The following LRMDA variants were observed in gnomAD, a reference collection of about 807,000 sequenced individuals.
The protein encoded by LRMDA is leucine rich melanocyte differentiation associated.
A neutral mutation model predicts 29.8 loss-of-function variants in LRMDA; 18 were observed. The observed-to-expected ratio is 0.60, with a 90% CI of 0.42 to 0.90. The LOEUF (loss-of-function observed/expected upper bound fraction) is 0.90, where lower values mean the gene tolerates loss of function less well. Ranked by LOEUF, LRMDA falls within the 40% of genes least tolerant of loss-of-function variation. LRMDA has a pLI of 0.00. For synonymous variants in LRMDA, 125 were observed against 109.4 expected (o/e 1.14, Z -0.89); for missense variants, 273 against 273.9 (o/e 1.00, Z 0.02).
rs574100478 is a variant in LRMDA at position 76,239,225 on chromosome 10, T to C, written c.517-85176T>C. 3.9e-5 allele frequency among the ~76,000 whole-genome samples: 6 copies of C among 152,268 alleles called. No homozygotes were observed. The South Asian group carries it at 1.2e-3, about 32-fold the overall frequency. On this transcript the variant is annotated intron_variant, in intron 5 of 6. Coordinates refer to ENST00000611255, the MANE Select transcript of LRMDA (RefSeq NM_001305581.2). Reference sequence around the variant, plus strand: ...TGCTTGGGTCTCAGGGGAGAGGCCCTGATCTTTCTGGTCCTTCTCCCCCAA... The same window carrying C: ...TGCTTGGGTCTCAGGGGAGAGGCCCCGATCTTTCTGGTCCTTCTCCCCCAA...
chr10:75,650,838 C>T (rs771861319), intron 2 of LRMDA, among the ~76,000 whole-genome samples: 12 of 152,176 alleles, frequency 7.9e-5, no homozygotes, highest in African/African-American at 1.7e-4. Context: ...AGGTCAGCAC[C>T]GGGGTGAGGA....
Position 75,698,079 on chromosome 10 carries a change from T to C in LRMDA, c.131+259585T>C, listed in dbSNP as rs1481491008. Among the ~76,000 whole-genome samples, 4 of 152,148 alleles carry C rather than the reference T, an allele frequency of 2.6e-5. No individual in the cohort carries two copies. The South Asian group carries it at 6.2e-4, about 24-fold the overall frequency. ...GTTATGGAATATAATTTGTATAAAG[T>C]CACATAGCTGGGAAATGATGGAACC... On this transcript the variant is annotated intron_variant, in intron 2 of 6. Coordinates refer to ENST00000611255, the MANE Select transcript of LRMDA (RefSeq NM_001305581.2).
At chr10:75,771,148 C>G (rs1177765007) in intron 2 of LRMDA, among the ~76,000 whole-genome samples, 1 of 152,080 alleles carries the variant, frequency 6.6e-6, no homozygotes, top group Non-Finnish European at 1.5e-5. Context: ...CTGATTCAGT[C>G]TCAAATGATC....
intron 6 of LRMDA, among the ~76,000 whole-genome samples, chr10:76,476,297 TAGA>T (rs1330015300): frequency 4.6e-5 from 7 of 152,116 alleles, no homozygotes; most frequent in African/African-American, 7.2e-5. Context: ...CTAGAAAATC[TAGA>T]AGAACTGGAT....
At chr10:76,169,455 G>A (rs755749513) in intron 5 of LRMDA, among the ~76,000 whole-genome samples, 1 of 152,134 alleles carries the variant, frequency 6.6e-6, no homozygotes, top group Non-Finnish European at 1.5e-5. Context: ...AGGAGCAGAC[G>A]GGATGTTGGA....
intron 5 of LRMDA, among the ~76,000 whole-genome samples, chr10:76,115,754 G>T (rs922680311): frequency 2.0e-5 from 3 of 152,122 alleles, no homozygotes; most frequent in Admixed American, 1.3e-4. Context: ...GTCCCCAAGG[G>T]CTATCTTGGG....
At chr10:76,280,543 TTA>T (rs1840189825) in intron 5 of LRMDA, among the ~76,000 whole-genome samples, 1 of 152,200 alleles carries the variant, frequency 6.6e-6, no homozygotes, top group Non-Finnish European at 1.5e-5. Context: ...GATCATTCAT[TTA>T]TTCAGCCCCT....
chr10:76,522,715 T>G (rs1271599372), intron 6 of LRMDA, among the ~76,000 whole-genome samples: 1 of 152,096 alleles, frequency 6.6e-6, no homozygotes, highest in Non-Finnish European at 1.5e-5. Context: ...CAAGCTGCAT[T>G]TCTAGGATGA....
intron 5 of LRMDA, among the ~76,000 whole-genome samples, chr10:76,259,776 A>G (rs1489893279): frequency 6.6e-6 from 1 of 152,030 alleles, no homozygotes; most frequent in Non-Finnish European, 1.5e-5. Flanking sequence ...GTGCATATAT[A>G]TTTACAGTTC....
At chr10:75,789,525 T>C (rs572934415) in intron 2 of LRMDA, among the ~76,000 whole-genome samples, 5 of 152,202 alleles carry the variant, frequency 3.3e-5, no homozygotes, top group African/African-American at 9.7e-5. Flanking sequence ...TGTAAGCTAA[T>C]TGATGGTTAG....
At chr10:75,620,283 A>G (rs140463683) in intron 2 of LRMDA, among the ~76,000 whole-genome samples, 29 of 152,358 alleles carry the variant, frequency 1.9e-4, no homozygotes, top group African/African-American at 6.7e-4. Flanking sequence ...AAGTTGTACA[A>G]TTCAGGCATG....
intron 2 of LRMDA, among the ~76,000 whole-genome samples, chr10:75,563,885 C>T (rs34907385): frequency 0.51 from 77,567 of 151,472 alleles, 22,414 homozygotes; most frequent in Non-Finnish European, 0.64. Context: ...GATCGTTCCT[C>T]TGGAAGTTTT....
At chr10:76,308,131 C>A (rs1001847741) in intron 5 of LRMDA, among the ~76,000 whole-genome samples, 1 of 152,048 alleles carries the variant, frequency 6.6e-6, no homozygotes, top group South Asian at 2.1e-4. Context: ...CTCCCCAAAT[C>A]AAAAAATCCT....
At position 75,470,929 on chromosome 10, in the gene LRMDA, G is replaced by T. The variant is rs114471882; in HGVS notation, c.131+32435G>T. Among the ~76,000 whole-genome samples the T allele has an allele frequency of 7.5e-3, 1,146 of 152,298 alleles. 15 individuals are homozygous for T. Among genetic ancestry groups the T allele is most frequent in the African/African-American group, 0.026 (1,086 of 41,542 alleles). ...GATTGGGAAGTCTTTGAAGCTTTGG[G>T]TCTTCCCTGTTGAATCCGCAGCCCT... On this transcript the variant is annotated intron_variant, in intron 2 of 6. Coordinates refer to ENST00000611255, the MANE Select transcript of LRMDA (RefSeq NM_001305581.2).
intron 2 of LRMDA, among the ~76,000 whole-genome samples, chr10:75,767,899 C>T (rs1047835991): frequency 3.9e-5 from 6 of 152,076 alleles, no homozygotes; most frequent in Non-Finnish European, 5.9e-5. Flanking sequence ...GAAATTTGAC[C>T]GAGACATGGC....
intron 2 of LRMDA, among the ~76,000 whole-genome samples, chr10:75,790,893 G>C (rs544776089): frequency 6.6e-6 from 1 of 152,204 alleles, no homozygotes; most frequent in African/African-American, 2.4e-5. Flanking sequence ...GGTGGCTTTC[G>C]TTGTAATGGT....
At position 75,847,696 on chromosome 10, in the gene LRMDA, G is replaced by A. The variant is rs151280593; in HGVS notation, c.132-188312G>A. On this transcript the variant is annotated intron_variant, in intron 2 of 6. Coordinates refer to ENST00000611255, the MANE Select transcript of LRMDA (RefSeq NM_001305581.2). ...AAATGGGTGAAGGACATGAATAGAA[G>A]TTCTCCAAAGAAGATATACAAATGG... Among the ~76,000 whole-genome samples the A allele has an allele frequency of 5.1e-3, 783 of 152,160 alleles. 10 individuals carry two copies. Among genetic ancestry groups the A allele is most frequent in the African/African-American group, 0.018 (751 of 41,526 alleles).
At position 75,464,714 on chromosome 10, in the gene LRMDA, C is replaced by T. The variant is rs140654734; in HGVS notation, c.131+26220C>T. On this transcript the variant is annotated intron_variant, in intron 2 of 6. Coordinates refer to ENST00000611255, the MANE Select transcript of LRMDA (RefSeq NM_001305581.2). ...TGGAGCTGACTGCAGTGTTTATTTTCGGATGGAATAGACCCCCAGCAAAGT... is the reference window on the plus strand; with the variant it reads ...TGGAGCTGACTGCAGTGTTTATTTTTGGATGGAATAGACCCCCAGCAAAGT... Among the ~76,000 whole-genome samples the T allele has an allele frequency of 5.1e-3, 769 of 152,212 alleles. 4 individuals carry two copies. Among genetic ancestry groups the T allele is most frequent in the African/African-American group, 0.017 (717 of 41,522 alleles).
intron 5 of LRMDA, among the ~76,000 whole-genome samples, chr10:76,291,435 G>T (rs1589413805): frequency 1.3e-5 from 2 of 152,162 alleles, no homozygotes; most frequent in Non-Finnish European, 2.9e-5. Context: ...TATAACTGAA[G>T]TTTTAATGGC....
Sources: allele counts gnomAD v4.1 joint callset (sites outside exome capture counted in the v4.1 genomes callset), GRCh38; gene constraint gnomAD v4.1.1; transcripts MANE v1.5; gene names NCBI Gene and HGNC (gene_info 2026-07-23, HGNC 2026-07-21).